Variants in SMNDC1 observed in about 807,000 individuals in gnomAD.
SMNDC1 encodes the protein survival motor neuron domain containing 1.
SMNDC1 carries 5 observed loss-of-function variants against 29.2 expected under a neutral mutation model. The ratio of observed to expected loss-of-function variants is 0.17; its 90% CI spans 0.09 to 0.36. SMNDC1 has a LOEUF of 0.36. Among genes scored for constraint, SMNDC1 ranks in the 10% least tolerant of loss-of-function variants. The pLI, the probability that SMNDC1 is intolerant of heterozygous loss-of-function variation, is 1.00. For synonymous variants in SMNDC1, 80 were observed against 89.9 expected (o/e 0.89, Z 0.62); for missense variants, 142 against 268.5 (o/e 0.53, Z 3.29).
chr10:110,295,393 A>G lies in SMNDC1; in HGVS notation c.426-12T>C, dbSNP rs1016731807. ...CAATCATTTCTTTTCTGCATGAAAA[A>G]AAGTTAAATGTCAACTGTTAAGACT... On this transcript the variant is annotated splice_polypyrimidine_tract_variant and intron_variant, in intron 4 of 5. Coordinates refer to ENST00000369603, the MANE Select transcript of SMNDC1 (RefSeq NM_005871.4). The G allele has an allele frequency of 2.5e-6, 4 of 1,578,942 alleles. No homozygotes were observed. The highest frequency in any genetic ancestry group is 2.0e-5 in the Admixed American group (1 of 50,142).
intron 2 of SMNDC1, among the ~76,000 whole-genome samples, chr10:110,301,533 A>T (rs930245609): frequency 6.6e-6 from 1 of 152,246 alleles, no homozygotes; most frequent in Admixed American, 6.5e-5. Context: ...TAAAACTTGC[A>T]CTTCTAAATC....
intron 4 of SMNDC1, among the ~76,000 whole-genome samples, chr10:110,295,908 T>C (rs532762681): frequency 2.0e-5 from 3 of 152,268 alleles, no homozygotes; most frequent in African/African-American, 7.2e-5. Flanking sequence ...TCCCAAAGTG[T>C]TGGGATTACA....
rs1382611400 is a variant in SMNDC1 at position 110,303,523 on chromosome 10, G to A, written c.65C>T (p.Ala22Val). Residue 22 changes from alanine to valine, a missense_variant, in exon 2 of 6, where the codon GCA becomes GTA. By Grantham distance (64) the Ala-to-Val change is moderately conservative. Coordinates refer to ENST00000369603, the MANE Select transcript of SMNDC1 (RefSeq NM_005871.4). The stretch of plus-strand genomic sequence containing the variant: ...TTCATTTTCTCCATTTCCAGATAAT[G>A]CAGCTTCAACTTGCTGGAGCTGAGC... ...YKAQLQQVEA[A>V]LSGNGENEDL... 2 of 1,582,150 alleles carry A rather than the reference G, an allele frequency of 1.3e-6. No homozygotes were observed. Among genetic ancestry groups the A allele is most frequent in the South Asian group, 2.3e-5 (2 of 85,428 alleles).
chr10:110,300,498 G>A (rs1203981226), intron 2 of SMNDC1: 2 of 919,376 alleles, frequency 2.2e-6, no homozygotes, highest in East Asian at 1.2e-4. Context: ...ATGGACCAAA[G>A]TATTAGAAAA....
Position 110,294,174 on chromosome 10 carries a change from A to G in SMNDC1, c.693T>C (p.Asn231=). The change falls in exon 6 of 6, where the codon AAT becomes AAC. Residue 231 remains asparagine, a synonymous_variant. Coordinates refer to ENST00000369603, the MANE Select transcript of SMNDC1 (RefSeq NM_005871.4). ...ATTATTGAGGCATCAAATGCCTGAC[A>G]TTGTATTTAGAGGTATCTTGATATT... The part of the protein sequence containing the change: ...MTQYQDTSKY[N]VRHLMPQ 2 of 1,594,722 alleles carry G rather than the reference A, an allele frequency of 1.3e-6. No homozygotes were observed. Among genetic ancestry groups the G allele is most frequent in the Non-Finnish European group, 1.7e-6 (2 of 1,172,896 alleles).
chr10:110,295,638 C>T (rs549348137), intron 4 of SMNDC1, among the ~76,000 whole-genome samples: 107 of 142,230 alleles, frequency 7.5e-4, no homozygotes, highest in African/African-American at 2.6e-3. Context: ...TCAACTATGC[C>T]TTTTTTTTTT....
intron 2 of SMNDC1, among the ~76,000 whole-genome samples, chr10:110,299,095 G>T (rs1477413853): frequency 4.6e-5 from 7 of 152,128 alleles, no homozygotes; most frequent in Admixed American, 3.9e-4. Context: ...TATTTTAGCT[G>T]AATAGATCTC....
At chr10:110,301,231 G>A (rs2081864338) in intron 2 of SMNDC1, among the ~76,000 whole-genome samples, 1 of 152,148 alleles carries the variant, frequency 6.6e-6, no homozygotes, top group Non-Finnish European at 1.5e-5. Context: ...ATACATCCCA[G>A]AAGGCAGAGA....
rs188385703 is a variant in SMNDC1, at chr10:110,300,374, T to A, written c.121-1584A>T. On this transcript the variant is annotated intron_variant, in intron 2 of 5. Coordinates refer to ENST00000369603, the MANE Select transcript of SMNDC1 (RefSeq NM_005871.4). ...GGCCTGTGCTGAAATGACCCTTTTT[T>A]AGAAAAAATCCAGAGCATTTACTCC... Among the ~76,000 whole-genome samples the A allele has an allele frequency of 4.3e-3, 653 of 152,308 alleles. 1 individual carries two copies. The highest frequency in any genetic ancestry group is 0.015 in the African/African-American group (623 of 41,578).
At chr10:110,295,510 A>G (rs1030486466) in intron 4 of SMNDC1, 129 bp from the exon 5 acceptor site, 1 of 590,720 alleles carries the variant, frequency 1.7e-6, no homozygotes, top group Non-Finnish European at 2.7e-6. Flanking sequence ...AAAAGTACTA[A>G]ATCATTAAAA....
chr10:110,294,596 G>A (rs929747086), intron 5 of SMNDC1, among the ~76,000 whole-genome samples: 1 of 152,190 alleles, frequency 6.6e-6, no homozygotes, highest in African/African-American at 2.4e-5. Flanking sequence ...ATTCTAGCAT[G>A]ATTAAAGCTC....
intron 4 of SMNDC1, 78 bp downstream of exon 4, chr10:110,297,489 T>C (rs1427516884): frequency 7.6e-6 from 10 of 1,317,922 alleles, no homozygotes; most frequent in East Asian, 2.3e-5. Context: ...TTCTTATGCA[T>C]AGATTCTCTC....
chr10:110,302,786 ATGTT>A (rs912020257), intron 2 of SMNDC1, among the ~76,000 whole-genome samples: 1 of 152,138 alleles, frequency 6.6e-6, no homozygotes, highest in Admixed American at 6.5e-5. Flanking sequence ...TGATGGCTCT[ATGTT>A]TGTCTTGAAA....
In SMNDC1 at chr10:110,293,342, A is replaced by G. The variant is rs1223772905; in HGVS notation, c.*808T>C. The G allele has an allele frequency of 6.6e-6, 1 of 152,654 alleles. No individual in the cohort carries two copies. The highest frequency in any genetic ancestry group is 2.4e-5 in the African/African-American group (1 of 41,462). 9.5% of individuals were successfully genotyped at this position (152,654 alleles called of 1,614,324 possible). A position where few individuals can be genotyped will look rare whatever the true frequency, so the allele number is the denominator to read the frequency against. On this transcript the variant is annotated 3_prime_UTR_variant, in exon 6 of 6. Coordinates refer to ENST00000369603, the MANE Select transcript of SMNDC1 (RefSeq NM_005871.4). ...GATGAAATATTCAGTATTCTTGTTC[A>G]TTAATTTAGCCTTGTGTTTTTACAA...
Position 110,290,839 on chromosome 10 carries a change from G to C in SMNDC1, c.*3311C>G, listed in dbSNP as rs1448436215. On this transcript the variant is annotated 3_prime_UTR_variant, in exon 6 of 6. Transcript: ENST00000369603. ...AAATCAAAGCTTTAAATTTTTTTTG[G>C]TTGAATTTACAACTGGTAGTTTTTT... 1 of 151,738 alleles carries C rather than the reference G, an allele frequency of 6.6e-6. No homozygotes were observed. Among genetic ancestry groups the C allele is most frequent in the Non-Finnish European group, 1.5e-5 (1 of 67,920 alleles). 9.4% of individuals were successfully genotyped at this position (151,738 alleles called of 1,614,324 possible).
intron 1 of SMNDC1, chr10:110,304,058 A>G (rs1857700196): frequency 6.5e-6 from 1 of 153,086 alleles, no homozygotes; most frequent in African/African-American, 2.4e-5. Flanking sequence ...GAACTATTCA[A>G]TTAAGAGTGT....
intron 4 of SMNDC1, 48 bp from the exon 5 acceptor site, chr10:110,295,429 G>C: frequency 6.8e-7 from 1 of 1,480,616 alleles, no homozygotes; most frequent in Non-Finnish European, 9.0e-7. Context: ...TATCATACAA[G>C]AATGACTTCC....
chr10:110,303,592 G>T lies in SMNDC1; in HGVS notation c.1-5C>A. On this transcript the variant is annotated splice_polypyrimidine_tract_variant and splice_region_variant and intron_variant, in intron 1 of 5. Transcript: ENST00000369603. ...CTTTGCTAAATCCTCTGACATCTAG[G>T]GAAAATAAAAAGGGTTAGACCATGA... is the stretch of plus-strand genomic sequence containing the variant. The T allele has an allele frequency of 6.4e-7, 1 of 1,573,942 alleles. No homozygotes were observed. Among genetic ancestry groups the T allele is most frequent in the South Asian group, 1.2e-5 (1 of 83,554 alleles).
Position 110,293,305 on chromosome 10 carries a change from G to C in SMNDC1, c.*845C>G, listed in dbSNP as rs746804180. ...TCAGATTAATGCACAAGAAATACAAGAAATTTTTAATGATGAAATATTCAG... is the reference window on the plus strand; with the variant it reads ...TCAGATTAATGCACAAGAAATACAACAAATTTTTAATGATGAAATATTCAG... On this transcript the variant is annotated 3_prime_UTR_variant, in exon 6 of 6. Coordinates refer to ENST00000369603, the MANE Select transcript of SMNDC1 (RefSeq NM_005871.4). 6.6e-6 allele frequency: 1 copy of C among 152,410 alleles called. No individual in the cohort carries two copies. The highest frequency in any genetic ancestry group is 2.4e-5 in the African/African-American group (1 of 41,378). The allele number at this position is 152,410 out of a possible 1,614,324, so 9.4% of individuals were successfully genotyped here.
Sources: gnomAD v4.1 joint callset for allele counts (sites outside exome capture counted in the v4.1 genomes callset) on GRCh38, gnomAD v4.1.1 for gene constraint, MANE v1.5 for transcripts, NCBI Gene and HGNC (gene_info 2026-07-23, HGNC 2026-07-21) for gene names.